EAPP: variants seen among roughly 807,000 people sequenced by gnomAD.
EAPP encodes E2F associated phosphoprotein.
EAPP carries 38 observed loss-of-function variants against 34.3 expected under a neutral mutation model. The observed-to-expected ratio is 1.11, with a 90% CI of 0.85 to 1.45. The LOEUF (loss-of-function observed/expected upper bound fraction) is 1.45, where lower values mean the gene tolerates loss of function less well. Among genes scored for constraint, EAPP ranks in the 40% most tolerant of loss-of-function variants. The pLI is 0.00. For missense variants in EAPP, 338 were observed against 343.7 expected, an observed-to-expected ratio of 0.98 and a Z score of 0.13; for synonymous variants, 113 against 117.6, an observed-to-expected ratio of 0.96 and a Z score of 0.25.
chr14:34,522,160 A>T (rs1459882575), intron 5 of EAPP, among the ~76,000 whole-genome samples: 1 of 151,912 alleles, frequency 6.6e-6, no homozygotes, highest in Non-Finnish European at 1.5e-5. Context: ...GAGTCTTACT[A>T]TGTTGCCCAG....
intron 4 of EAPP, among the ~76,000 whole-genome samples, chr14:34,528,571 G>A (rs1017418984): frequency 2.0e-5 from 3 of 150,800 alleles, no homozygotes; most frequent in East Asian, 4.0e-4. Flanking sequence ...ACAGGTGTGC[G>A]CCACTATGGC....
At chr14:34,539,191 A>G in intron 1 of EAPP, 1 of 418,558 alleles carries the variant, frequency 2.4e-6, no homozygotes, top group Non-Finnish European at 4.6e-6. Context: ...TATGTTATAT[A>G]GGTTATACAA....
intron 1 of EAPP, among the ~76,000 whole-genome samples, chr14:34,536,804 C>T (rs1025838818): frequency 2.0e-5 from 3 of 152,066 alleles, no homozygotes; most frequent in African/African-American, 4.8e-5. Flanking sequence ...ACCTCCACCT[C>T]CTGGGCTCAA....
intron 1 of EAPP, among the ~76,000 whole-genome samples, chr14:34,538,306 G>A (rs988353009): frequency 9.9e-5 from 15 of 152,176 alleles, no homozygotes; most frequent in Admixed American, 9.2e-4. Context: ...TGGAACCCAG[G>A]AGGTGGAGGC....
intron 5 of EAPP, among the ~76,000 whole-genome samples, chr14:34,523,236 T>C (rs1361768104): frequency 1.4e-5 from 2 of 140,836 alleles, no homozygotes; most frequent in East Asian, 4.8e-4. Context: ...CTAGAAAAGA[T>C]ACCTTTTTTT....
intron 2 of EAPP, among the ~76,000 whole-genome samples, chr14:34,534,770 T>C (rs558735930): frequency 1.6e-4 from 24 of 151,888 alleles, no homozygotes; most frequent in Admixed American, 1.3e-3. Flanking sequence ...GGGAGGCCAA[T>C]GCAGGAAGAT....
chr14:34,533,456 C>T lies in EAPP; in HGVS notation c.340G>A (p.Glu114Lys), dbSNP rs1306543874. The T allele has an allele frequency of 6.2e-7, 1 of 1,611,762 alleles. No individual in the cohort carries two copies. Among genetic ancestry groups the T allele is most frequent in the Non-Finnish European group, 8.5e-7 (1 of 1,178,952 alleles). The change falls in exon 3 of 6, where the codon GAA (glutamate) becomes AAA (lysine). Residue 114 changes from glutamate to lysine, a missense_variant. By Grantham distance (56) the Glu-to-Lys change is moderately conservative. Transcript: ENST00000250454. ...ATAGGTTACTTACCTGCTCTGTCTT[C>T]ATCCTCGGAATCAGAATCAAAATAT... ...DIYFDSDSED[E>K]DRAVQVTKKK...
At chr14:34,538,943 C>G (rs976541395) in intron 1 of EAPP, among the ~76,000 whole-genome samples, 3 of 152,174 alleles carry the variant, frequency 2.0e-5, no homozygotes, top group Non-Finnish European at 4.4e-5. Flanking sequence ...CTACAATGCT[C>G]TGCCAAGAAA....
chr14:34,528,533 C>T (rs145650938), intron 4 of EAPP, among the ~76,000 whole-genome samples: 6,055 of 150,504 alleles, frequency 0.04, 177 homozygotes, highest in Non-Finnish European at 0.066. Context: ...GCAATTCTCC[C>T]GCCTCAGCCT....
intron 5 of EAPP, among the ~76,000 whole-genome samples, chr14:34,521,391 T>C (rs1338326686): frequency 6.6e-6 from 1 of 152,104 alleles, no homozygotes; most frequent in Non-Finnish European, 1.5e-5. Flanking sequence ...ATTTTTTGAA[T>C]AAGCTTTCTA....
In EAPP at chr14:34,516,247, G is replaced by A; in HGVS notation, c.*63C>T. The A allele has an allele frequency of 1.4e-6, 2 of 1,456,256 alleles. No individual in the cohort carries two copies. Among genetic ancestry groups the A allele is most frequent in the Non-Finnish European group, 1.9e-6 (2 of 1,078,186 alleles). 90.2% of individuals were successfully genotyped at this position (1,456,256 alleles called of 1,614,324 possible). ...ACTGAAGGATATGAACAGGCAAGAG[G>A]AAAGTAACTGTCCATATTTGCCTTA... On this transcript the variant is annotated 3_prime_UTR_variant, in exon 6 of 6. Coordinates refer to ENST00000250454, the MANE Select transcript of EAPP (RefSeq NM_018453.4).
At chr14:34,532,214 TTGGGAGGCTGAGGCGGG>T (rs1880319267) in intron 3 of EAPP, among the ~76,000 whole-genome samples, 1 of 151,364 alleles carries the variant, frequency 6.6e-6, no homozygotes, top group South Asian at 2.1e-4. Context: ...TCCCGGCACT[TTGGGAGGCTGAGGCGGG>T]TGGATCACCT....
intron 4 of EAPP, among the ~76,000 whole-genome samples, chr14:34,527,763 CCA>C (rs1420941960): frequency 6.6e-6 from 1 of 152,016 alleles, no homozygotes; most frequent in Non-Finnish European, 1.5e-5. Context: ...ATAAGCAAAT[CCA>C]CAGAGACAGT....
chr14:34,522,720 G>A (rs796086853), intron 5 of EAPP, among the ~76,000 whole-genome samples: 5 of 152,304 alleles, frequency 3.3e-5, no homozygotes, highest in African/African-American at 1.2e-4. Context: ...TGTTCCAAAT[G>A]AAGTGGGGGG....
chr14:34,526,723 A>G (rs775029761), intron 4 of EAPP, among the ~76,000 whole-genome samples: 4 of 152,022 alleles, frequency 2.6e-5, no homozygotes, highest in Non-Finnish European at 4.4e-5. Flanking sequence ...CCTTGTGTCT[A>G]TTAAAAATTA....
At chr14:34,530,940 G>A (rs1468997569) in intron 3 of EAPP, among the ~76,000 whole-genome samples, 17 of 132,154 alleles carry the variant, frequency 1.3e-4, no homozygotes, top group South Asian at 4.9e-4. Context: ...AGAAAGAAAG[G>A]AAGAGGAAAA....
At chr14:34,536,453 CT>C in intron 1 of EAPP, 178 bp from the exon 2 acceptor site, 1 of 298,810 alleles carries the variant, frequency 3.3e-6, no homozygotes, top group Non-Finnish European at 5.8e-6. Context: ...TTCCAATCTT[CT>C]TTAATTTTTT....
chr14:34,522,791 C>T (rs757620970), intron 5 of EAPP, among the ~76,000 whole-genome samples: 45 of 152,146 alleles, frequency 3.0e-4, no homozygotes, highest in Non-Finnish European at 4.3e-4. Flanking sequence ...GGGGTTCACA[C>T]TTGGGACCTG....
chr14:34,516,633 A>C (rs1463581852), intron 5 of EAPP, 47 bp from the exon 6 acceptor site: 1 of 1,535,650 alleles, frequency 6.5e-7, no homozygotes, highest in Admixed American at 2.1e-5. Flanking sequence ...TTCTATGTTA[A>C]TAGTTTATCC....
Sources: gnomAD v4.1 joint callset for allele counts (sites outside exome capture counted in the v4.1 genomes callset) on GRCh38, gnomAD v4.1.1 for gene constraint, MANE v1.5 for transcripts, NCBI Gene and HGNC (gene_info 2026-07-23, HGNC 2026-07-21) for gene names.